The following UBR3 variants were observed in gnomAD, a reference collection of about 807,000 sequenced individuals.
UBR3 encodes the protein E3 ubiquitin-protein ligase UBR3.
UBR3 carries 85 observed loss-of-function variants against 243.2 expected under a neutral mutation model. The observed-to-expected ratio is 0.35, with a 90% CI of 0.29 to 0.42. The LOEUF is 0.42. Among genes scored for constraint, UBR3 ranks in the 10% least tolerant of loss-of-function variants. UBR3 has a pLI of 1.00. For missense variants in UBR3, 1,686 were observed against 2,300.8 expected (o/e 0.73, Z 5.47); for synonymous variants, 748 against 799.8 (o/e 0.94, Z 1.09).
chr2:169,960,882 A>G lies in UBR3; in HGVS notation c.3634+2356A>G, dbSNP rs563686720. On this transcript the variant is annotated intron_variant, in intron 24 of 38. Transcript: ENST00000272793. ...ATAATGTGCTACATAATGGTTCTAC[A>G]TCGACTGTTTTTGAGTCCAGTGGCT... Among the ~76,000 whole-genome samples, 21 of 152,252 alleles carry G rather than the reference A, an allele frequency of 1.4e-4. 1 individual carries two copies. Among genetic ancestry groups the G allele is most frequent in the African/African-American group, 2.6e-4 (11 of 41,544 alleles).
At chr2:169,999,528 A>AG (rs1197817794) in intron 26 of UBR3, among the ~76,000 whole-genome samples, 1 of 152,236 alleles carries the variant, frequency 6.6e-6, no homozygotes, top group Admixed American at 6.5e-5. Context: ...CAGTTTTTTA[A>AG]GCATGTAAGT....
chr2:170,037,275 C>T (rs2061618), intron 31 of UBR3, among the ~76,000 whole-genome samples: 140,861 of 152,176 alleles, frequency 0.93, 65,751 homozygotes, highest in East Asian at 0.99. Context: ...AGTTATCGGG[C>T]TGAGTTAGGT....
At chr2:169,906,953 T>G (rs2085033106) in intron 10 of UBR3, among the ~76,000 whole-genome samples, 1 of 152,136 alleles carries the variant, frequency 6.6e-6, no homozygotes, top group Admixed American at 6.6e-5. Flanking sequence ...AGTAGATTTA[T>G]ACTTTCTTTT....
chr2:170,061,315 T>C lies in UBR3; in HGVS notation c.4894-3T>C, dbSNP rs917788701. The C allele has an allele frequency of 1.4e-5, 22 of 1,610,862 alleles. No individual in the cohort carries two copies. The highest frequency in any genetic ancestry group is 9.4e-5 in the African/African-American group (7 of 74,712). ...TTGTTCAAATTTTCTTTTTTAACTT[T>C]AGGTTAACCCTATTGCTTGGTCTCC... is the stretch of plus-strand genomic sequence containing the variant. On this transcript the variant is annotated splice_region_variant and splice_polypyrimidine_tract_variant and intron_variant, in intron 34 of 38. Coordinates refer to ENST00000272793, the MANE Select transcript of UBR3 (RefSeq NM_172070.4).
At chr2:170,067,770 ATTTTTTTTT>A (rs36071079) in intron 35 of UBR3, among the ~76,000 whole-genome samples, 2 of 138,456 alleles carry the variant, frequency 1.4e-5, no homozygotes, top group African/African-American at 5.3e-5. Flanking sequence ...CAAGGAAATA[ATTTTTTTTT>A]TTTTTTTTTT....
chr2:169,839,854 T>G (rs1291776783), intron 1 of UBR3, among the ~76,000 whole-genome samples: 2 of 151,902 alleles, frequency 1.3e-5, no homozygotes, highest in African/African-American at 4.8e-5. Flanking sequence ...GTGTTGGGGG[T>G]TGGGTCCCCA....
intron 26 of UBR3, among the ~76,000 whole-genome samples, chr2:169,995,771 T>C (rs1559169102): frequency 2.6e-5 from 4 of 152,226 alleles, no homozygotes. Context: ...GTAGTTTTTT[T>C]TCAGGCTCTG....
intron 33 of UBR3, among the ~76,000 whole-genome samples, chr2:170,058,885 A>G (rs930248896): frequency 1.3e-5 from 2 of 152,188 alleles, no homozygotes; most frequent in Non-Finnish European, 2.9e-5. Flanking sequence ...GTGGTATCAT[A>G]GCATCCAAAA....
Position 169,994,389 on chromosome 2 carries a change from A to G in UBR3, c.3851A>G (p.Tyr1284Cys). The G allele has an allele frequency of 6.2e-7, 1 of 1,614,042 alleles. No individual in the cohort carries two copies. The highest frequency in any genetic ancestry group is 8.5e-7 in the Non-Finnish European group (1 of 1,180,010). The change falls in exon 26 of 39, where the codon TAC (tyrosine) becomes TGC (cysteine). Residue 1284 changes from tyrosine (Y) to cysteine (C), a missense_variant. Tyr to Cys is a radical substitution (Grantham distance 194). Around this residue, in one of 8 missense-constraint regions of UBR3, gnomAD observed 156 missense variants for 246.3 expected, o/e 0.63. Coordinates refer to ENST00000272793, the MANE Select transcript of UBR3 (RefSeq NM_172070.4). ...KLPISEEEQI[Y>C]PWDTCAAVHD... is the part of the protein sequence containing the mutation. ...CCGATCAGTGAAGAGGAGCAGATTTACCCTTGGGATACCTGTGCAGCCGTT... is the reference window on the plus strand; with the variant it reads ...CCGATCAGTGAAGAGGAGCAGATTTGCCCTTGGGATACCTGTGCAGCCGTT...
chr2:169,991,771 A>G (rs2089283420), intron 25 of UBR3, among the ~76,000 whole-genome samples: 1 of 151,942 alleles, frequency 6.6e-6, no homozygotes, highest in South Asian at 2.1e-4. Context: ...TTTAGTAGAG[A>G]TGGGGTTTCA....
chr2:169,849,634 A>T (rs2082593937), intron 1 of UBR3, among the ~76,000 whole-genome samples: 1 of 152,178 alleles, frequency 6.6e-6, no homozygotes, highest in Non-Finnish European at 1.5e-5. Context: ...TTTTTTATAC[A>T]GTTGGTCAGA....
intron 31 of UBR3, 99 bp downstream of exon 31, chr2:170,029,547 TCA>T (rs1235421408): frequency 2.3e-6 from 2 of 881,246 alleles, no homozygotes; most frequent in Admixed American, 3.0e-5. Context: ...TGTGATTTTT[TCA>T]CATTTTCTTT....
chr2:170,067,674 A>G (rs1253083893), intron 35 of UBR3, among the ~76,000 whole-genome samples: 1 of 152,206 alleles, frequency 6.6e-6, no homozygotes, highest in Non-Finnish European at 1.5e-5. Flanking sequence ...ACAGAATTAA[A>G]TTAGAAATTA....
rs1335153415 is a variant in UBR3, at chr2:169,895,187, C to G, written c.1112C>G (p.Ser371Cys). The change falls in exon 7 of 39, where the codon TCC (serine) becomes TGC (cysteine). Residue 371 changes from serine (S) to cysteine (C), a missense_variant. Coordinates refer to ENST00000272793, the MANE Select transcript of UBR3 (RefSeq NM_172070.4). ...TTTCATTTTTCATGTGCAGATCAAT[C>G]CATAATGGATGTTTTGAAGCATAAA... is the stretch of plus-strand genomic sequence containing the variant. ...VKLSSGTKDQ[S>C]IMDVLKHKSF... 2 of 1,520,804 alleles carry G rather than the reference C, an allele frequency of 1.3e-6. No individual in the cohort carries two copies. The highest frequency in any genetic ancestry group is 8.8e-7 in the Non-Finnish European group (1 of 1,139,018). The allele number at this position is 1,520,804 out of a possible 1,614,324, so 94.2% of individuals were successfully genotyped here.
chr2:169,983,312 G>A lies in UBR3; in HGVS notation c.3635-3333G>A, dbSNP rs2105385717. On this transcript the variant is annotated intron_variant, in intron 24 of 38. Coordinates refer to ENST00000272793, the MANE Select transcript of UBR3 (RefSeq NM_172070.4). ...CACTCATTCTGTCACCCAGGCTGTA[G>A]TATGGTGGTGTGATCTTGGCTCACT... 2.3e-5 allele frequency among the ~76,000 whole-genome samples: 3 copies of A among 131,542 alleles called. No individual in the cohort carries two copies. In the South Asian group the frequency reaches 7.1e-4, roughly 31 times the overall value. The allele number at this position is 131,542 out of a possible 152,430, so 86.3% of individuals were successfully genotyped here.
chr2:169,928,764 C>A lies in UBR3; in HGVS notation c.2462C>A (p.Pro821Gln). The A allele has an allele frequency of 6.7e-7, 1 of 1,502,470 alleles. No homozygotes were observed. The highest frequency in any genetic ancestry group is 1.3e-5 in the South Asian group (1 of 77,106). 93.1% of individuals were successfully genotyped at this position (1,502,470 alleles called of 1,614,324 possible). A position where few individuals can be genotyped will look rare whatever the true frequency, so the allele number is the denominator to read the frequency against. Residue 821 changes from proline (P) to glutamine (Q), a missense_variant, in exon 18 of 39, where the codon CCA (proline) becomes CAA (glutamine). Around this residue, in one of 8 missense-constraint regions of UBR3, gnomAD observed 346 missense variants for 585.8 expected, o/e 0.59. Transcript: ENST00000272793. ...CCTAATCCCAAAAGTGGCATTATTC[C>A]AGGCAGTTACAGCTTTGAATCAGTT... The part of the protein sequence containing the change: ...ENPNPKSGII[P>Q]GSYSFESVLS...
chr2:169,860,089 C>T (rs1173196939), intron 1 of UBR3, among the ~76,000 whole-genome samples: 1 of 152,142 alleles, frequency 6.6e-6, no homozygotes, highest in East Asian at 1.9e-4. Context: ...TGCTTTCATT[C>T]CTGTCCTTTC....
intron 20 of UBR3, among the ~76,000 whole-genome samples, chr2:169,943,673 A>G (rs1043577987): frequency 6.6e-6 from 1 of 152,200 alleles, no homozygotes; most frequent in Non-Finnish European, 1.5e-5. Flanking sequence ...TATAGACATG[A>G]TAAATGTTAT....
chr2:169,954,203 G>A (rs2087163798), intron 23 of UBR3, among the ~76,000 whole-genome samples: 1 of 151,082 alleles, frequency 6.6e-6, no homozygotes, highest in Non-Finnish European at 1.5e-5. Context: ...GTCTTGTCTT[G>A]TCTTGTCTTG....
Sources: gnomAD v4.1 joint callset for allele counts (sites outside exome capture counted in the v4.1 genomes callset) on GRCh38, gnomAD v4.1.1 for gene constraint, gnomAD v4.1.1 regional missense constraint, MANE v1.5 for transcripts, NCBI Gene and HGNC (gene_info 2026-07-23, HGNC 2026-07-21) for gene names.